TTC17: variants seen among roughly 807,000 people sequenced by gnomAD.
TTC17 encodes tetratricopeptide repeat domain 17, also known as tetratricopeptide repeat protein 17.
In TTC17, 58 loss-of-function variants were observed where a neutral mutation model predicts 143.8. The ratio of observed to expected loss-of-function variants is 0.40; its 90% CI spans 0.33 to 0.50. TTC17 has a LOEUF of 0.50. Among genes scored for constraint, TTC17 ranks in the 20% least tolerant of loss-of-function variants. The pLI is 0.49. For synonymous variants in TTC17, 501 were observed against 497.8 expected, an observed-to-expected ratio of 1.01 and a Z score of -0.09; for missense variants, 1,273 against 1,392.5, an observed-to-expected ratio of 0.91 and a Z score of 1.37.
chr11:43,484,057 A>G (rs1948335031), intron 21 of TTC17, among the ~76,000 whole-genome samples: 1 of 152,144 alleles, frequency 6.6e-6, no homozygotes. Flanking sequence ...CAGAAGAATC[A>G]CTTGAACCCA....
intron 1 of TTC17, among the ~76,000 whole-genome samples, chr11:43,370,664 A>G (rs184331266): frequency 5.1e-4 from 78 of 152,344 alleles, no homozygotes; most frequent in Non-Finnish European, 3.7e-4. Context: ...AATTTAAATA[A>G]TACATGTTCA....
At chr11:43,415,930 A>G (rs1946767863) in intron 16 of TTC17, among the ~76,000 whole-genome samples, 1 of 152,210 alleles carries the variant, frequency 6.6e-6, no homozygotes. Context: ...TGGAGTGGCT[A>G]GCACTAGAAT....
chr11:43,433,599 C>G (rs1048478330), intron 16 of TTC17, among the ~76,000 whole-genome samples: 2 of 152,102 alleles, frequency 1.3e-5, no homozygotes, highest in African/African-American at 4.8e-5. Context: ...TTCAGGGTCC[C>G]TTGTGCACAT....
intron 21 of TTC17, among the ~76,000 whole-genome samples, chr11:43,451,835 A>G (rs1947663221): frequency 6.6e-6 from 1 of 152,200 alleles, no homozygotes; most frequent in Non-Finnish European, 1.5e-5. Flanking sequence ...TTACTGTATA[A>G]TATTAAAGAG....
chr11:43,406,323 A>C (rs1858130128), intron 13 of TTC17, among the ~76,000 whole-genome samples: 1 of 152,190 alleles, frequency 6.6e-6, no homozygotes, highest in African/African-American at 2.4e-5. Flanking sequence ...GAAAGCTTGA[A>C]GAATCTCTCT....
chr11:43,407,719 T>C, intron 15 of TTC17, 142 bp downstream of exon 15: 2 of 762,482 alleles, frequency 2.6e-6, no homozygotes. Flanking sequence ...TTCAAGAGAG[T>C]GTGAAAAAGC....
At chr11:43,398,648 A>G (rs548783352) in intron 8 of TTC17, among the ~76,000 whole-genome samples, 1 of 152,308 alleles carries the variant, frequency 6.6e-6, no homozygotes, top group African/African-American at 2.4e-5. Flanking sequence ...ATGGAATTCT[A>G]TTGTATTTGA....
intron 21 of TTC17, among the ~76,000 whole-genome samples, chr11:43,470,946 G>A (rs1359072881): frequency 3.3e-5 from 5 of 152,150 alleles, no homozygotes; most frequent in African/African-American, 9.7e-5. Context: ...TTTAGCTTCA[G>A]CCTTTAAAAT....
intron 10 of TTC17, among the ~76,000 whole-genome samples, chr11:43,402,568 G>A (rs1396890604): frequency 6.6e-6 from 1 of 151,512 alleles, no homozygotes; most frequent in African/African-American, 2.4e-5. Context: ...CCAGAATTCT[G>A]AGTATAAAAA....
chr11:43,492,073 T>A lies in TTC17; in HGVS notation c.3204T>A (p.Asn1068Lys). ...ANILHNAKLWNDAVIVATMAV... is the reference protein window; with the variant it reads ...ANILHNAKLWKDAVIVATMAV... Reference sequence around the variant, plus strand: ...TCTTGCACAATGCCAAGCTCTGGAATGACGCCGTCATAGTAGCCACCATGG... The same window carrying A: ...TCTTGCACAATGCCAAGCTCTGGAAAGACGCCGTCATAGTAGCCACCATGG... Residue 1068 changes from asparagine to lysine, a missense_variant, in exon 23 of 24, where the codon AAT (asparagine) becomes AAA (lysine). Coordinates refer to ENST00000039989, the MANE Select transcript of TTC17 (RefSeq NM_018259.6). The A allele has an allele frequency of 6.2e-7, 1 of 1,614,156 alleles. No individual in the cohort carries two copies. The highest frequency in any genetic ancestry group is 8.5e-7 in the Non-Finnish European group (1 of 1,179,992).
At chr11:43,491,835 T>C in intron 22 of TTC17, 185 bp from the exon 23 acceptor site, 2 of 640,994 alleles carry the variant, frequency 3.1e-6, no homozygotes, top group Non-Finnish European at 5.2e-6. Flanking sequence ...AAGTAATTGA[T>C]TTATATTCTG....
At chr11:43,384,276 T>G (rs535929632) in intron 2 of TTC17, among the ~76,000 whole-genome samples, 57 of 152,192 alleles carry the variant, frequency 3.7e-4, no homozygotes, top group Non-Finnish European at 5.1e-4. Flanking sequence ...ATGGATGTAT[T>G]TATACAAGTT....
chr11:43,477,150 C>T (rs1948199950), intron 21 of TTC17, among the ~76,000 whole-genome samples: 1 of 152,214 alleles, frequency 6.6e-6, no homozygotes, highest in South Asian at 2.1e-4. Context: ...TGCTCCAGTT[C>T]CCAACAAGTT....
rs368350167 is a variant in TTC17 at position 43,372,482 on chromosome 11, T to TTTTATTTATTTATTTA, written c.160-6731_160-6716dup. ...CACATCCAGCTAACTTATTTTTATT[T>TTTTATTTATTTATTTA]TTTATTTATTTATTTATTTATTTAT... On this transcript the variant is annotated intron_variant, in intron 1 of 23. Transcript: ENST00000039989. Among the ~76,000 whole-genome samples, 805 of 145,928 alleles carry TTTTATTTATTTATTTA rather than the reference T, an allele frequency of 5.5e-3. 3 individuals are homozygous for TTTTATTTATTTATTTA. Among genetic ancestry groups the TTTTATTTATTTATTTA allele is most frequent in the Middle Eastern group, 0.014 (4 of 288 alleles).
chr11:43,417,891 A>C (rs536129824), intron 16 of TTC17, among the ~76,000 whole-genome samples: 2 of 152,338 alleles, frequency 1.3e-5, no homozygotes, highest in African/African-American at 4.8e-5. Context: ...CAGCAACTAT[A>C]ATATAGTAGA....
intron 1 of TTC17, among the ~76,000 whole-genome samples, chr11:43,374,660 TCAA>T (rs1272221401): frequency 6.6e-6 from 1 of 151,056 alleles, no homozygotes; most frequent in Non-Finnish European, 1.5e-5. Flanking sequence ...GAAAAAATGC[TCAA>T]CATCACTAAT....
chr11:43,465,819 T>TA (rs1947960613), intron 21 of TTC17, among the ~76,000 whole-genome samples: 1 of 152,228 alleles, frequency 6.6e-6, no homozygotes, highest in African/African-American at 2.4e-5. Context: ...GTGTAAGACC[T>TA]AAAACTGTAC....
chr11:43,491,908 T>A (rs1369554540), intron 22 of TTC17, 112 bp from the exon 23 acceptor site: 7 of 1,420,532 alleles, frequency 4.9e-6, no homozygotes, highest in African/African-American at 2.8e-5. Flanking sequence ...TGAGTGGCAC[T>A]GTTCTAATCA....
At chr11:43,473,860 G>C (rs1212176490) in intron 21 of TTC17, among the ~76,000 whole-genome samples, 1 of 148,464 alleles carries the variant, frequency 6.7e-6, no homozygotes, top group African/African-American at 2.5e-5. Flanking sequence ...TTCAGCCTGG[G>C]CAACAGAATG....
Sources: allele counts gnomAD v4.1 joint callset (sites outside exome capture counted in the v4.1 genomes callset), GRCh38; gene constraint gnomAD v4.1.1; transcripts MANE v1.5; gene names NCBI Gene and HGNC (gene_info 2026-07-23, HGNC 2026-07-21).